IGFN1: variants seen among roughly 807,000 people sequenced by gnomAD.
IGFN1 encodes the protein immunoglobulin like and fibronectin type III domain containing 1.
Under a neutral mutation model 289.5 loss-of-function variants are expected in IGFN1, and 253 were observed. That is an observed-to-expected ratio of 0.87 (90% confidence interval 0.79 to 0.97). The LOEUF is 0.97. Ranked by LOEUF, IGFN1 falls within the 50% of genes least tolerant of loss-of-function variation. The pLI is 0.00. For missense variants in IGFN1, 4,470 were observed against 4,686.1 expected, an observed-to-expected ratio of 0.95 and a Z score of 1.35; for synonymous variants, 1,706 against 1,788.5, an observed-to-expected ratio of 0.95 and a Z score of 1.16.
Position 201,205,178 on chromosome 1 carries a change from G to A in IGFN1, c.1013G>A (p.Ser338Asn). The A allele has an allele frequency of 6.4e-7, 1 of 1,551,298 alleles. No individual in the cohort carries two copies. Among genetic ancestry groups the A allele is most frequent in the African/African-American group, 1.4e-5 (1 of 73,168 alleles). ...TGTACCCTCTCCAGCCCCTGCCCTA[G>A]TGCAGCCTGGCATTTCCGGCACCGG... ...FECTLSSPCP[S>N]AAWHFRHRLL... The change falls in exon 11 of 24, where the codon AGT (serine) becomes AAT (asparagine). Residue 338 changes from serine to asparagine, a missense_variant. Physicochemically the swap from Ser to Asn is conservative, Grantham distance 46. Transcript: ENST00000335211.
chr1:201,197,217 G>C lies in IGFN1; in HGVS notation c.268-1G>C, dbSNP rs1666956504. The C allele has an allele frequency of 6.5e-7, 1 of 1,548,402 alleles. No homozygotes were observed. Among genetic ancestry groups the C allele is most frequent in the Non-Finnish European group, 8.7e-7 (1 of 1,144,208 alleles). On this transcript the variant is annotated splice_acceptor_variant, in intron 4 of 23. Coordinates refer to ENST00000335211, the MANE Select transcript of IGFN1 (RefSeq NM_001164586.2). LOFTEE classifies it high-confidence loss of function. Reference sequence around the variant, plus strand: ...TTCCTCTGCCCTTGGCCTCTCTGCAGATCAACAAGCTGACAGGCGAGGACA... The same window carrying C: ...TTCCTCTGCCCTTGGCCTCTCTGCACATCAACAAGCTGACAGGCGAGGACA...
At chr1:201,224,639 A>G in intron 20 of IGFN1, 40 bp from the exon 21 acceptor site, 1 of 1,570,682 alleles carries the variant, frequency 6.4e-7, no homozygotes, top group Non-Finnish European at 8.7e-7. Flanking sequence ...TGAAACTGCC[A>G]GCTTCCCCTT....
rs1323745019 is a variant in IGFN1 at position 201,224,812 on chromosome 1, C to T, written c.10424C>T (p.Thr3475Ile). The T allele has an allele frequency of 8.7e-6, 14 of 1,614,208 alleles. No individual in the cohort carries two copies. Among genetic ancestry groups the T allele is most frequent in the Non-Finnish European group, 1.2e-5 (14 of 1,180,024 alleles). ...GGACTCTCAGACAGTGGTCTCTACA[C>T]TGTGGTGCTGAGGACCCTGCAGGGG... ...VAGLSDSGLY[T>I]VVLRTLQGKE... The change falls in exon 21 of 24, where the codon ACT becomes ATT. Residue 3475 changes from threonine (T) to isoleucine (I), a missense_variant. Physicochemically the swap from Thr to Ile is moderately conservative, Grantham distance 89. Coordinates refer to ENST00000335211, the MANE Select transcript of IGFN1 (RefSeq NM_001164586.2).
At chr1:201,215,252 G>C (rs937442986) in intron 14 of IGFN1, 98 bp downstream of exon 14, 2 of 1,307,534 alleles carry the variant, frequency 1.5e-6, no homozygotes, top group African/African-American at 3.0e-5. Context: ...TTTGTGGCTA[G>C]TCTGCAGCCA....
At chr1:201,221,252 T>C (rs1330231568) in intron 18 of IGFN1, among the ~76,000 whole-genome samples, 192 bp from the exon 19 acceptor site, 11 of 152,166 alleles carry the variant, frequency 7.2e-5, no homozygotes, top group Admixed American at 7.2e-4. Flanking sequence ...CTGGGATCTG[T>C]GTGCATAACG....
chr1:201,226,937 C>T lies in IGFN1; in HGVS notation c.10842C>T (p.Pro3614=). ...CYREPDLSQK[P]RFLVGLRSHL... ...GGGAGCCCGACCTGAGCCAGAAGCC[C>T]CGGTTCCTGGTGGGCCTGCGGTCCC... The change falls in exon 23 of 24, where the codon CCC becomes CCT. Residue 3614 remains proline, a synonymous_variant. Coordinates refer to ENST00000335211, the MANE Select transcript of IGFN1 (RefSeq NM_001164586.2). 6.2e-7 allele frequency: 1 copy of T among 1,611,254 alleles called. No homozygotes were observed. Among genetic ancestry groups the T allele is most frequent in the South Asian group, 1.1e-5 (1 of 90,890 alleles).
At chr1:201,204,901 C>A (rs1408721293) in intron 10 of IGFN1, among the ~76,000 whole-genome samples, 181 bp from the exon 11 acceptor site, 2 of 152,162 alleles carry the variant, frequency 1.3e-5, no homozygotes, top group Non-Finnish European at 2.9e-5. Context: ...ATAACTGTAG[C>A]CCCTCATTTT....
intron 15 of IGFN1, 55 bp downstream of exon 15, chr1:201,215,893 C>T: frequency 6.5e-7 from 1 of 1,546,038 alleles, no homozygotes; most frequent in Non-Finnish European, 8.8e-7. Context: ...GGTTCTGGGC[C>T]CTCCCTGCCA....
At chr1:201,200,481 C>A in intron 8 of IGFN1, 70 bp downstream of exon 8, 5 of 1,298,640 alleles carry the variant, frequency 3.9e-6, no homozygotes, top group Non-Finnish European at 5.4e-6. Context: ...TGCCTCACAC[C>A]TGGAGGTGGG....
At position 201,209,963 on chromosome 1, in the gene IGFN1, A is replaced by C. The variant is rs560466151; in HGVS notation, c.5070A>C (p.Ala1690=). ...APEGIGSGSK[A]GFRDGLGSSV... ...AGGGAATAGGTTCAGGGAGTAAGGC[A>C]GGTTTTAGGGATGGTTTAGGGAGTT... Residue 1690 remains alanine (A), a synonymous_variant, in exon 12 of 24, where the codon GCA becomes GCC. Coordinates refer to ENST00000335211, the MANE Select transcript of IGFN1 (RefSeq NM_001164586.2). 167 of 1,498,162 alleles carry C rather than the reference A, an allele frequency of 1.1e-4. 2 individuals carry two copies. In the African/African-American group the frequency reaches 2.1e-3, roughly 19 times the overall value. 92.8% of individuals were successfully genotyped at this position (1,498,162 alleles called of 1,614,324 possible).
Position 201,225,830 on chromosome 1 carries a change from C to G in IGFN1, c.10493C>G (p.Pro3498Arg), listed in dbSNP as rs375512984. ...TCTGCCGTCTCTCCTGAAGCATGCC[C>G]GCAGGCCCCTGGGCCCATCCACCTG... ...HSFRIRVAAC[P>R]QAPGPIHLQE... The change falls in exon 22 of 24, where the codon CCG becomes CGG. Residue 3498 changes from proline to arginine, a missense_variant. Pro to Arg is a moderately radical substitution (Grantham distance 103, BLOSUM62 -2). Coordinates refer to ENST00000335211, the MANE Select transcript of IGFN1 (RefSeq NM_001164586.2). The G allele has an allele frequency of 1.2e-5, 20 of 1,610,896 alleles. No homozygotes were observed. In the African/African-American group the frequency reaches 2.4e-4, roughly 19 times the overall value.
chr1:201,225,674 G>T (rs1654031030), intron 21 of IGFN1, 150 bp from the exon 22 acceptor site: 1 of 613,216 alleles, frequency 1.6e-6, no homozygotes, highest in African/African-American at 1.9e-5. Flanking sequence ...GATAACTGTG[G>T]ACCGCTGGCC....
Position 201,194,177 on chromosome 1 carries a change from C to A in IGFN1, c.31C>A (p.Pro11Thr), listed in dbSNP as rs189690117. Residue 11 changes from proline to threonine, a missense_variant, in exon 3 of 24, where the codon CCT becomes ACT. By Grantham distance (38) the Pro-to-Thr change is conservative (BLOSUM62 -1). Around this residue, in one of 8 missense-constraint regions of IGFN1, gnomAD observed 2,011 missense variants for 1,953.4 expected, o/e 1.03. Transcript: ENST00000335211. ...AGGAAAGCTCCGGAAGTCCCACATCCCTGGAGTGAGCATCTGGCAGCTGGT... is the reference window on the plus strand; with the variant it reads ...AGGAAAGCTCCGGAAGTCCCACATCACTGGAGTGAGCATCTGGCAGCTGGT... MAGKLRKSHI[P>T]GVSIWQLVEE... 6.8e-3 allele frequency: 10,525 copies of A among 1,551,648 alleles called. 48 individuals carry two copies. Among genetic ancestry groups the A allele is most frequent in the Non-Finnish European group, 8.4e-3 (9,599 of 1,146,966 alleles).
chr1:201,210,271 G>T lies in IGFN1; in HGVS notation c.5378G>T (p.Gly1793Val). 2 of 1,324,372 alleles carry T rather than the reference G, an allele frequency of 1.5e-6. 1 individual carries two copies. Among genetic ancestry groups the T allele is most frequent in the South Asian group, 2.8e-5 (2 of 70,728 alleles). 82.0% of individuals were successfully genotyped at this position (1,324,372 alleles called of 1,614,324 possible). ...RKDLWAPEGI[G>V]SGSKAGFRDG... ...GATTTGTGGGCTCCTGAGGGAATAG[G>T]TTCAGGAAGTAAGGCAGGTTTTAGG... The change falls in exon 12 of 24, where the codon GGT (glycine) becomes GTT (valine). Residue 1793 changes from glycine (G) to valine (V), a missense_variant. By Grantham distance (109) the Gly-to-Val change is moderately radical. This residue lies in a region of IGFN1 where 33 missense variants were observed against 259.7 expected (regional missense o/e 0.13). Coordinates refer to ENST00000335211, the MANE Select transcript of IGFN1 (RefSeq NM_001164586.2).
rs998806913 is a variant in IGFN1 at position 201,207,456 on chromosome 1, G to A, written c.2563G>A (p.Gly855Arg). 2 of 1,528,204 alleles carry A rather than the reference G, an allele frequency of 1.3e-6. No individual in the cohort carries two copies. The highest frequency in any genetic ancestry group is 2.0e-5 in the Admixed American group (1 of 49,640). 94.7% of individuals were successfully genotyped at this position (1,528,204 alleles called of 1,614,324 possible). A position where few individuals can be genotyped will look rare whatever the true frequency, so the allele number is the denominator to read the frequency against. The change falls in exon 12 of 24, where the codon GGG (glycine) becomes AGG (arginine). Residue 855 changes from glycine (G) to arginine (R), a missense_variant. Around this residue, in one of 8 missense-constraint regions of IGFN1, gnomAD observed 2,011 missense variants for 1,953.4 expected, o/e 1.03. Coordinates refer to ENST00000335211, the MANE Select transcript of IGFN1 (RefSeq NM_001164586.2). ...CCTCAGAAAAACTGGGGCCCACCATGGGCCTGGAGTGCTGGGGCCCAGTGG... is the reference window on the plus strand; with the variant it reads ...CCTCAGAAAAACTGGGGCCCACCATAGGCCTGGAGTGCTGGGGCCCAGTGG... ...SSLRKTGAHH[G>R]PGVLGPSGGQ...
rs762812533 is a variant in IGFN1 at position 201,214,159 on chromosome 1, C to T, written c.8729-18C>T. 1.7e-5 allele frequency: 27 copies of T among 1,602,040 alleles called. No individual in the cohort carries two copies. The highest frequency in any genetic ancestry group is 2.0e-5 in the Non-Finnish European group (24 of 1,174,140). On this transcript the variant is annotated intron_variant, in intron 12 of 23. Coordinates refer to ENST00000335211, the MANE Select transcript of IGFN1 (RefSeq NM_001164586.2). ...CCTGGGGCGCTCGGCCCTGGGGATT[C>T]CCTCTGTGTCTCTCCAGGCCCCATG...
Position 201,212,859 on chromosome 1 carries a change from G to A in IGFN1, c.7966G>A (p.Glu2656Lys). ...AGSRASGSLQ[E>K]KDAAFGGTHE... ...CTCCAGAGCTTCCGGTTCTCTGCAG[G>A]AGAAAGATGCCGCTTTTGGTGGGAC... The change falls in exon 12 of 24, where the codon GAG (glutamate) becomes AAG (lysine). Residue 2656 changes from glutamate (E) to lysine (K), a missense_variant. Around this residue, in one of 8 missense-constraint regions of IGFN1, gnomAD observed 2,218 missense variants for 2,114.1 expected, o/e 1.05. Transcript: ENST00000335211. 6.4e-7 allele frequency: 1 copy of A among 1,551,298 alleles called. No homozygotes were observed. Among genetic ancestry groups the A allele is most frequent in the South Asian group, 1.2e-5 (1 of 84,052 alleles).
intron 23 of IGFN1, among the ~76,000 whole-genome samples, chr1:201,227,548 C>T (rs1390667374): frequency 5.3e-5 from 8 of 152,064 alleles, no homozygotes; most frequent in African/African-American, 1.2e-4. Flanking sequence ...CTGCCTCAGC[C>T]TCCTGAATAG....
Position 201,211,574 on chromosome 1 carries a change from G to A in IGFN1, c.6681G>A (p.Gly2227=). ...DLGAPKGMGS[G]SKAGFRDGLG... ...GGGCTCCTAAGGGAATGGGTTCAGG[G>A]AGTAAGGCAGGTTTCAGGGATGGTT... Residue 2227 remains glycine (G), a synonymous_variant, in exon 12 of 24, where the codon GGG becomes GGA. Transcript: ENST00000335211. The A allele has an allele frequency of 6.5e-7, 1 of 1,534,048 alleles. No individual in the cohort carries two copies. Among genetic ancestry groups the A allele is most frequent in the Non-Finnish European group, 8.7e-7 (1 of 1,145,788 alleles).
Sources: allele counts gnomAD v4.1 joint callset (sites outside exome capture counted in the v4.1 genomes callset), GRCh38; gene constraint gnomAD v4.1.1; regional missense constraint gnomAD v4.1.1; transcripts MANE v1.5; gene names NCBI Gene and HGNC (gene_info 2026-07-23, HGNC 2026-07-21).